Variants in RIMS4 observed in about 807,000 individuals in gnomAD.
The protein encoded by RIMS4 is regulating synaptic membrane exocytosis protein 4.
In RIMS4, 9 loss-of-function variants were observed where a neutral mutation model predicts 29.0. That is an observed-to-expected ratio of 0.31 (90% confidence interval 0.19 to 0.54). The LOEUF (loss-of-function observed/expected upper bound fraction) is 0.54, where lower values mean the gene tolerates loss of function less well. Ranked by LOEUF, RIMS4 falls within the 20% of genes least tolerant of loss-of-function variation. The probability of loss-of-function intolerance (pLI) is 0.94; values close to 1 mark genes in which losing one functional copy is unlikely to be tolerated. For synonymous variants in RIMS4, 130 were observed against 152.9 expected (o/e 0.85, Z 1.10); for missense variants, 193 against 365.7 (o/e 0.53, Z 3.85).
chr20:44,798,362 A>T (rs2066263546), intron 1 of RIMS4, among the ~76,000 whole-genome samples: 1 of 152,252 alleles, frequency 6.6e-6, no homozygotes, highest in South Asian at 2.1e-4. Context: ...ACCTTGGCCA[A>T]GTCAGAAGTC....
chr20:44,766,116 C>T (rs1366735770), intron 2 of RIMS4, among the ~76,000 whole-genome samples: 1 of 152,128 alleles, frequency 6.6e-6, no homozygotes, highest in Admixed American at 6.5e-5. Flanking sequence ...GCTGCTGATA[C>T]AGCCAGAGGA....
chr20:44,803,498 C>T (rs2066285261), intron 1 of RIMS4, among the ~76,000 whole-genome samples: 1 of 152,196 alleles, frequency 6.6e-6, no homozygotes, highest in Non-Finnish European at 1.5e-5. Context: ...GCCCTCTCGC[C>T]ACCCCCATCC....
At chr20:44,803,523 C>A (rs2066285463) in intron 1 of RIMS4, among the ~76,000 whole-genome samples, 1 of 152,192 alleles carries the variant, frequency 6.6e-6, no homozygotes, top group African/African-American at 2.4e-5. Flanking sequence ...CCCTGCCCAG[C>A]CACACAGTCA....
chr20:44,789,707 C>A (rs938681740), intron 1 of RIMS4, among the ~76,000 whole-genome samples: 1 of 152,192 alleles, frequency 6.6e-6, no homozygotes, highest in African/African-American at 2.4e-5. Context: ...AAGCACACGC[C>A]ACCACATCTG....
At chr20:44,767,392 T>A (rs1215343756) in intron 2 of RIMS4, among the ~76,000 whole-genome samples, 2 of 152,026 alleles carry the variant, frequency 1.3e-5, no homozygotes, top group Non-Finnish European at 1.5e-5. Flanking sequence ...CCCACAGAGC[T>A]CCAATTTCTG....
At chr20:44,769,934 A>G (rs568928763) in intron 2 of RIMS4, among the ~76,000 whole-genome samples, 200 of 152,320 alleles carry the variant, frequency 1.3e-3, no homozygotes, top group South Asian at 6.6e-3. Context: ...ATTTTCTATG[A>G]TGATGGAAAT....
intron 2 of RIMS4, among the ~76,000 whole-genome samples, chr20:44,761,862 T>C (rs1044941814): frequency 1.4e-4 from 21 of 152,198 alleles, no homozygotes; most frequent in African/African-American, 4.8e-4. Context: ...ACAGAAAGTA[T>C]GAAAAAATAA....
chr20:44,802,325 T>C (rs2066280582), intron 1 of RIMS4, among the ~76,000 whole-genome samples: 2 of 152,218 alleles, frequency 1.3e-5, no homozygotes, highest in Admixed American at 1.3e-4. Context: ...ATAACCCTCT[T>C]GAGTATTTAC....
chr20:44,807,651 A>G (rs2066304693), intron 1 of RIMS4, among the ~76,000 whole-genome samples: 1 of 152,142 alleles, frequency 6.6e-6, no homozygotes, highest in Admixed American at 6.5e-5. Flanking sequence ...TGCTTTTAGA[A>G]ATCAGTTCAG....
chr20:44,784,308 C>G (rs959513749), intron 1 of RIMS4, among the ~76,000 whole-genome samples: 9 of 152,230 alleles, frequency 5.9e-5, no homozygotes, highest in African/African-American at 2.2e-4. Context: ...TTCCTTCCTT[C>G]CAGTCCCACC....
At position 44,796,432 on chromosome 20, in the gene RIMS4, G is replaced by A. The variant is rs6031799; in HGVS notation, c.97+13743C>T. Among the ~76,000 whole-genome samples, 623 of 152,304 alleles carry A rather than the reference G, an allele frequency of 4.1e-3. 2 individuals are homozygous for A. Among genetic ancestry groups the A allele is most frequent in the African/African-American group, 0.014 (591 of 41,556 alleles). ...GAAATAGAGTGGGGAGGAAGGAGAGGAGAGAGAAGGGGAGGAAGGGAGGGG... is the reference window on the plus strand; with the variant it reads ...GAAATAGAGTGGGGAGGAAGGAGAGAAGAGAGAAGGGGAGGAAGGGAGGGG... On this transcript the variant is annotated intron_variant, in intron 1 of 5. Coordinates refer to ENST00000372851, the MANE Select transcript of RIMS4 (RefSeq NM_182970.4).
At chr20:44,757,089 G>A in intron 4 of RIMS4, 52 bp from the exon 5 acceptor site, 1 of 1,590,110 alleles carries the variant, frequency 6.3e-7, no homozygotes, top group Non-Finnish European at 8.6e-7. Context: ...TCAAATGGTG[G>A]GCAAAGGGTG....
intron 1 of RIMS4, among the ~76,000 whole-genome samples, chr20:44,778,926 G>A (rs1434444839): frequency 3.9e-5 from 6 of 152,126 alleles, no homozygotes; most frequent in Admixed American, 1.3e-4. Flanking sequence ...GTCCTCTTCT[G>A]CCAGTTTCTT....
intron 1 of RIMS4, among the ~76,000 whole-genome samples, chr20:44,804,478 C>T (rs2145481181): frequency 6.6e-6 from 1 of 152,184 alleles, no homozygotes; most frequent in East Asian, 1.9e-4. Context: ...GCACATTCAC[C>T]AAAAGTGGCA....
chr20:44,761,995 G>A (rs1601019515), intron 2 of RIMS4, among the ~76,000 whole-genome samples: 1 of 152,322 alleles, frequency 6.6e-6, no homozygotes, highest in African/African-American at 2.4e-5. Context: ...TAGCACCAGG[G>A]ACCAGTTTTG....
chr20:44,771,994 A>G (rs2145454627), intron 1 of RIMS4, among the ~76,000 whole-genome samples: 1 of 152,278 alleles, frequency 6.6e-6, no homozygotes, highest in African/African-American at 2.4e-5. Context: ...CCCTTGATTG[A>G]GGACTACTCG....
chr20:44,765,523 C>G (rs56253514), intron 2 of RIMS4, among the ~76,000 whole-genome samples: 38,694 of 152,098 alleles, frequency 0.25, 5,328 homozygotes, highest in Non-Finnish European at 0.31. Context: ...CAAAACAAAA[C>G]AAAACAAATC....
At chr20:44,786,574 G>A (rs1406059145) in intron 1 of RIMS4, among the ~76,000 whole-genome samples, 1 of 152,222 alleles carries the variant, frequency 6.6e-6, no homozygotes, top group African/African-American at 2.4e-5. Context: ...TTCTAGTCTA[G>A]GGTGGAAGAC....
chr20:44,798,709 G>C (rs574963940), intron 1 of RIMS4, among the ~76,000 whole-genome samples: 23 of 152,322 alleles, frequency 1.5e-4, no homozygotes, highest in African/African-American at 5.3e-4. Context: ...TGCTATAGGA[G>C]TACCGAAGCC....
Sources: allele counts gnomAD v4.1 joint callset (sites outside exome capture counted in the v4.1 genomes callset), GRCh38; gene constraint gnomAD v4.1.1; transcripts MANE v1.5; gene names NCBI Gene and HGNC (gene_info 2026-07-23, HGNC 2026-07-21).